The following UMAD1 variants were observed in gnomAD, a reference collection of about 807,000 sequenced individuals.
The protein encoded by UMAD1 is UBAP1-MVB12-associated (UMA) domain containing 1, also known as UBAP1-MVB12-associated (UMA)-domain containing protein 1.
In UMAD1, 8 loss-of-function variants were observed where a neutral mutation model predicts 6.1. The observed-to-expected ratio is 1.30, with a 90% confidence interval of 0.76 to 2.35. UMAD1 has a LOEUF of 2.35. Ranked by LOEUF, UMAD1 falls within the 30% of genes most tolerant of loss-of-function variation. UMAD1 has a pLI of 0.00. For synonymous variants in UMAD1, 56 were observed against 31.4 expected, an observed-to-expected ratio of 1.78 and a Z score of -2.61; for missense variants, 130 against 78.4, an observed-to-expected ratio of 1.66 and a Z score of -2.49.
At chr7:7,735,149 T>C (rs548207371) in intron 2 of UMAD1, among the ~76,000 whole-genome samples, 2 of 152,294 alleles carry the variant, frequency 1.3e-5, no homozygotes, top group Admixed American at 6.5e-5. Flanking sequence ...TGATTATGCC[T>C]TAAATTAATA....
intron 1 of UMAD1, among the ~76,000 whole-genome samples, chr7:7,652,896 G>A (rs578147412): frequency 3.3e-5 from 5 of 152,228 alleles, no homozygotes; most frequent in East Asian, 3.9e-4. Flanking sequence ...TGAATGTGAT[G>A]GCTTCTATTT....
chr7:7,664,570 C>T (rs1329325141), intron 1 of UMAD1, among the ~76,000 whole-genome samples: 1 of 152,184 alleles, frequency 6.6e-6, no homozygotes, highest in Non-Finnish European at 1.5e-5. Context: ...AATCTCTTTG[C>T]TTTCCTCTAT....
At chr7:7,796,990 G>A (rs747415103) in intron 2 of UMAD1, among the ~76,000 whole-genome samples, 29 of 152,126 alleles carry the variant, frequency 1.9e-4, no homozygotes, top group Non-Finnish European at 2.8e-4. Context: ...GTATTAGTCT[G>A]TTTATGTTGC....
intron 3 of UMAD1, among the ~76,000 whole-genome samples, chr7:7,823,386 G>C (rs1323530837): frequency 6.6e-6 from 1 of 151,986 alleles, no homozygotes; most frequent in Non-Finnish European, 1.5e-5. Flanking sequence ...GCAATATTTG[G>C]GTTATACTTA....
chr7:7,776,194 T>C (rs719555), intron 2 of UMAD1, among the ~76,000 whole-genome samples: 130,839 of 152,216 alleles, frequency 0.86, 56,581 homozygotes, highest in African/African-American at 0.97. Context: ...GGCACAGTGG[T>C]ATGCACTTGT....
chr7:7,689,242 G>C, intron 2 of UMAD1: 1 of 152,168 alleles, frequency 6.6e-6, no homozygotes, highest in Non-Finnish European at 1.5e-5. Flanking sequence ...GGCAGATACA[G>C]ACAGAAGAGA....
intron 3 of UMAD1, among the ~76,000 whole-genome samples, chr7:7,802,921 C>G (rs1455168692): frequency 6.6e-6 from 1 of 151,950 alleles, no homozygotes; most frequent in African/African-American, 2.4e-5. Flanking sequence ...ATTTTGCAAT[C>G]AAGGAAAAAT....
At chr7:7,847,088 A>C (rs1367048287) in intron 3 of UMAD1, among the ~76,000 whole-genome samples, 1 of 3,258 alleles carries the variant, frequency 3.1e-4, no homozygotes, top group Non-Finnish European at 5.7e-4. Context: ...ACAGCAATGC[A>C]AAAAAAAAAA....
At chr7:7,865,252 C>T (rs1784204166) in intron 3 of UMAD1, among the ~76,000 whole-genome samples, 1 of 152,296 alleles carries the variant, frequency 6.6e-6, no homozygotes, top group East Asian at 1.9e-4. Context: ...ATGGGCGCAG[C>T]CTTGTGAGAC....
At chr7:7,800,491 A>G (rs1310141545) in intron 2 of UMAD1, among the ~76,000 whole-genome samples, 1 of 151,826 alleles carries the variant, frequency 6.6e-6, no homozygotes, top group Non-Finnish European at 1.5e-5. Context: ...TGTTTGGTAC[A>G]TGAGTAAGTT....
chr7:7,661,116 A>T (rs1785464542), intron 1 of UMAD1, among the ~76,000 whole-genome samples: 2 of 151,832 alleles, frequency 1.3e-5, no homozygotes, highest in Admixed American at 6.6e-5. Flanking sequence ...GGCTATTGAT[A>T]CTTGTGTATG....
chr7:7,657,925 T>C (rs1183819892), intron 1 of UMAD1, among the ~76,000 whole-genome samples: 1 of 152,232 alleles, frequency 6.6e-6, no homozygotes, highest in Non-Finnish European at 1.5e-5. Context: ...TTCATGATAT[T>C]GATTCTTCCT....
chr7:7,755,068 A>G (rs998438946), intron 2 of UMAD1, among the ~76,000 whole-genome samples: 3 of 152,170 alleles, frequency 2.0e-5, no homozygotes, highest in Non-Finnish European at 4.4e-5. Flanking sequence ...GGTGGCTTCA[A>G]ATCTATCTCA....
chr7:7,754,437 A>C (rs1231519533), intron 2 of UMAD1, among the ~76,000 whole-genome samples: 1 of 152,112 alleles, frequency 6.6e-6, no homozygotes, highest in African/African-American at 2.4e-5. Flanking sequence ...TTGTTTGCCC[A>C]TTTTTTAATC....
intron 2 of UMAD1, among the ~76,000 whole-genome samples, chr7:7,681,745 A>T (rs1336902977): frequency 6.6e-6 from 1 of 152,148 alleles, no homozygotes; most frequent in East Asian, 1.9e-4. Flanking sequence ...ATTCGTAATT[A>T]CCAGGGTTTT....
At chr7:7,798,227 A>G (rs144546208) in intron 2 of UMAD1, among the ~76,000 whole-genome samples, 1 of 152,330 alleles carries the variant, frequency 6.6e-6, no homozygotes, top group African/African-American at 2.4e-5. Flanking sequence ...TACAAAAAAA[A>G]TTTGCCAACC....
intron 2 of UMAD1, among the ~76,000 whole-genome samples, chr7:7,791,563 T>C (rs927636991): frequency 4.6e-5 from 7 of 152,246 alleles, no homozygotes; most frequent in Non-Finnish European, 1.0e-4. Context: ...TAAGAATTGT[T>C]TTTAACAAAG....
At chr7:7,873,356 G>C (rs1784363462) in intron 3 of UMAD1, among the ~76,000 whole-genome samples, 1 of 150,194 alleles carries the variant, frequency 6.7e-6, no homozygotes, top group African/African-American at 2.4e-5. Context: ...TTCCCTTTCA[G>C]TTTTTCTATA....
intron 2 of UMAD1, among the ~76,000 whole-genome samples, chr7:7,761,135 TG>T (rs1781881134): frequency 6.6e-6 from 1 of 152,048 alleles, no homozygotes; most frequent in Admixed American, 6.5e-5. Context: ...GAGGCCAAGG[TG>T]GGCAGATTGC....
Sources: gnomAD v4.1 joint callset for allele counts (sites outside exome capture counted in the v4.1 genomes callset) on GRCh38, gnomAD v4.1.1 for gene constraint, MANE v1.5 for transcripts, NCBI Gene and HGNC (gene_info 2026-07-23, HGNC 2026-07-21) for gene names.